UBL3: variants seen among roughly 807,000 people sequenced by gnomAD.
The protein encoded by UBL3 is ubiquitin like 3.
In UBL3, 6 loss-of-function variants were observed where a neutral mutation model predicts 18.4. That is an observed-to-expected ratio of 0.33 (90% CI 0.18 to 0.64). The LOEUF (loss-of-function observed/expected upper bound fraction) is 0.64, where lower values mean the gene tolerates loss of function less well. UBL3 is among the 30% of genes least tolerant of loss of function. The pLI is 0.76. For missense variants in UBL3, 109 were observed against 142.9 expected (o/e 0.76, Z 1.21); for synonymous variants, 49 against 46.6 (o/e 1.05, Z -0.21).
chr13:29,847,227 T>C (rs1432436325), intron 1 of UBL3, among the ~76,000 whole-genome samples: 1 of 152,196 alleles, frequency 6.6e-6, no homozygotes, highest in Non-Finnish European at 1.5e-5. Flanking sequence ...TCTTAACCTC[T>C]AACCAGTTGA....
chr13:29,773,953 ATAAG>A (rs544336542), intron 2 of UBL3, among the ~76,000 whole-genome samples: 1 of 152,164 alleles, frequency 6.6e-6, no homozygotes, highest in Non-Finnish European at 1.5e-5. Flanking sequence ...ATTAACATCA[ATAAG>A]TATTTAATTT....
rs1027082175 is a variant in UBL3 at position 29,765,125 on chromosome 13, A to G, written c.*2130T>C. The G allele has an allele frequency of 2.6e-5, 4 of 152,202 alleles. No individual in the cohort carries two copies. The highest frequency in any genetic ancestry group is 2.6e-4 in the Admixed American group (4 of 15,276). 9.4% of individuals were successfully genotyped at this position (152,202 alleles called of 1,614,324 possible). On this transcript the variant is annotated 3_prime_UTR_variant, in exon 5 of 5. Transcript: ENST00000380680. The stretch of plus-strand genomic sequence containing the variant: ...AATCTGAGAACACACAGAAAAATAT[A>G]TTGAAAAACCAATAGAGAATTATTT...
intron 1 of UBL3, among the ~76,000 whole-genome samples, chr13:29,789,230 G>C (rs1289595954): frequency 6.6e-6 from 1 of 152,108 alleles, no homozygotes; most frequent in Non-Finnish European, 1.5e-5. Context: ...TAGAGTTTCA[G>C]TTTTGCAAAA....
intron 1 of UBL3, among the ~76,000 whole-genome samples, chr13:29,794,334 G>A (rs1432993246): frequency 6.8e-6 from 1 of 147,964 alleles, no homozygotes; most frequent in East Asian, 2.0e-4. Context: ...TTAATAAGAG[G>A]GAATCTTTAC....
rs1316462134 is a variant in UBL3 at position 29,772,218 on chromosome 13, C to T, written c.137-20G>A. The T allele has an allele frequency of 1.9e-6, 3 of 1,595,216 alleles. No individual in the cohort carries two copies. In the East Asian group the frequency reaches 6.7e-5, roughly 36 times the overall value. On this transcript the variant is annotated intron_variant, in intron 2 of 4. Transcript: ENST00000380680. The stretch of plus-strand genomic sequence containing the variant: ...CCCAGTCTGAAAAGAATCCAGTGTA[C>T]TGGTTAGGTATATTCCAACATATAA...
chr13:29,808,943 C>T (rs1877966334), intron 1 of UBL3, among the ~76,000 whole-genome samples: 1 of 152,084 alleles, frequency 6.6e-6, no homozygotes, highest in South Asian at 2.1e-4. Flanking sequence ...TAACTAAAGA[C>T]TATTTATATT....
At chr13:29,827,457 C>A (rs1438696706) in intron 1 of UBL3, among the ~76,000 whole-genome samples, 1 of 152,144 alleles carries the variant, frequency 6.6e-6, no homozygotes, top group Non-Finnish European at 1.5e-5. Context: ...CTCTTTTGAT[C>A]TTTGCTGGTT....
intron 1 of UBL3, among the ~76,000 whole-genome samples, chr13:29,823,441 T>A (rs78080784): frequency 6.6e-6 from 1 of 152,196 alleles, no homozygotes; most frequent in African/African-American, 2.4e-5. Context: ...TGCGCCCGGC[T>A]GCAAATTTAG....
At chr13:29,806,876 A>G (rs1177003518) in intron 1 of UBL3, among the ~76,000 whole-genome samples, 1 of 152,080 alleles carries the variant, frequency 6.6e-6, no homozygotes, top group Non-Finnish European at 1.5e-5. Flanking sequence ...TTTTGTGTCT[A>G]TGGTGCAATT....
chr13:29,786,014 A>G (rs770398176), intron 1 of UBL3, among the ~76,000 whole-genome samples: 1 of 152,208 alleles, frequency 6.6e-6, no homozygotes, highest in Non-Finnish European at 1.5e-5. Context: ...GTGGTGTAGT[A>G]TATTTCAGGT....
rs77622809 is a variant in UBL3 at position 29,850,606 on chromosome 13, C to T, written c.-1068G>A. 1 of 155,392 alleles carries T rather than the reference C, an allele frequency of 6.4e-6. No individual in the cohort carries two copies. Among genetic ancestry groups the T allele is most frequent in the African/African-American group, 2.4e-5 (1 of 41,226 alleles). 9.6% of individuals were successfully genotyped at this position (155,392 alleles called of 1,614,324 possible). ...CGGCAGCGGCGGCGGCGGCGGCTGC[C>T]TGAGTGCGACTAAGGGAAACGGGGA... On this transcript the variant is annotated 5_prime_UTR_variant, in exon 1 of 5. Coordinates refer to ENST00000380680, the MANE Select transcript of UBL3 (RefSeq NM_007106.4).
intron 1 of UBL3, among the ~76,000 whole-genome samples, chr13:29,832,682 CT>C (rs1196693162): frequency 6.6e-6 from 1 of 152,192 alleles, no homozygotes; most frequent in Admixed American, 6.5e-5. Flanking sequence ...TAAGTTAGCA[CT>C]GTTCCTCTGG....
chr13:29,776,012 C>A (rs1462908557), intron 2 of UBL3, among the ~76,000 whole-genome samples: 1 of 151,938 alleles, frequency 6.6e-6, no homozygotes, highest in East Asian at 1.9e-4. Context: ...AAATGGAAAG[C>A]ACAGACAGAC....
At chr13:29,835,451 C>T (rs1878937213) in intron 1 of UBL3, among the ~76,000 whole-genome samples, 1 of 151,186 alleles carries the variant, frequency 6.6e-6, no homozygotes, top group Admixed American at 6.6e-5. Context: ...TGATAAATAT[C>T]CAGGCCAGGT....
Position 29,814,998 on chromosome 13 carries a change from T to C in UBL3, c.27+34514A>G, listed in dbSNP as rs185987178. 9.5e-4 allele frequency among the ~76,000 whole-genome samples: 145 copies of C among 152,304 alleles called. 2 individuals are homozygous for C. In the South Asian group the frequency reaches 0.019, roughly 20 times the overall value. On this transcript the variant is annotated intron_variant, in intron 1 of 4. Transcript: ENST00000380680. ...TATTTGTTTCTATATAGAAATGTTA[T>C]AAAATCAGTTTATTCCTCTTCTATT... is the stretch of plus-strand genomic sequence containing the variant.
chr13:29,801,804 C>G (rs1349658681), intron 1 of UBL3, among the ~76,000 whole-genome samples: 2 of 152,178 alleles, frequency 1.3e-5, no homozygotes, highest in African/African-American at 4.8e-5. Context: ...TGGCTTGAGC[C>G]CACTATGCAG....
intron 1 of UBL3, among the ~76,000 whole-genome samples, chr13:29,826,545 C>A (rs2139354463): frequency 6.6e-6 from 1 of 152,148 alleles, no homozygotes; most frequent in South Asian, 2.1e-4. Flanking sequence ...GTGGTGATAT[C>A]CCCTTTATTA....
At chr13:29,792,766 T>G (rs1351009325) in intron 1 of UBL3, among the ~76,000 whole-genome samples, 2 of 152,242 alleles carry the variant, frequency 1.3e-5, no homozygotes, top group Non-Finnish European at 2.9e-5. Flanking sequence ...TGCTAATACA[T>G]AATTTATCAA....
At chr13:29,772,571 T>C (rs1444222184) in intron 2 of UBL3, among the ~76,000 whole-genome samples, 2 of 152,080 alleles carry the variant, frequency 1.3e-5, no homozygotes, top group African/African-American at 4.8e-5. Context: ...TGCTCCAATA[T>C]TTGTACCTGT....
Sources: allele counts gnomAD v4.1 joint callset (sites outside exome capture counted in the v4.1 genomes callset), GRCh38; gene constraint gnomAD v4.1.1; transcripts MANE v1.5; gene names NCBI Gene and HGNC (gene_info 2026-07-23, HGNC 2026-07-21).